The following ZNF226 variants were observed in gnomAD, a reference collection of about 807,000 sequenced individuals.
The protein encoded by ZNF226 is zinc finger protein 226.
Under a neutral mutation model 11.4 loss-of-function variants are expected in ZNF226, and 6 were observed. The ratio of observed to expected loss-of-function variants is 0.53; its 90% CI spans 0.29 to 1.04. The LOEUF is 1.04. ZNF226 is among the 50% of genes least tolerant of loss of function. The pLI is 0.08. For synonymous variants in ZNF226, 350 were observed against 322.8 expected (o/e 1.08, Z -0.90); for missense variants, 1,058 against 956.5 (o/e 1.11, Z -1.40).
chr19:44,174,216 T>C (rs1420246293), intron 5 of ZNF226: 1 of 152,176 alleles, frequency 6.6e-6, no homozygotes, highest in Non-Finnish European at 1.5e-5. Context: ...TTGGGGAACC[T>C]ATAGTGTCAT....
chr19:44,173,347 T>C, intron 5 of ZNF226: 1 of 287,360 alleles, frequency 3.5e-6, no homozygotes, highest in Non-Finnish European at 6.4e-6. Flanking sequence ...TTCAGACCTA[T>C]CAAGGATGCT....
chr19:44,184,207 CAGAA>C, the ZNF226 span, among the ~76,000 whole-genome samples: 51 of 152,232 alleles, frequency 3.4e-4, no homozygotes, highest in African/African-American at 1.2e-3. Flanking sequence ...ACTTTCTAAG[CAGAA>C]AGAAGCAATT....
At chr19:44,170,910 C>CA (rs58130876) in intron 3 of ZNF226, among the ~76,000 whole-genome samples, 1,371 of 85,694 alleles carry the variant, frequency 0.016, 17 homozygotes, top group Middle Eastern at 0.046. Flanking sequence ...GACTCTGTCT[C>CA]AAAAAAAAAA....
downstream of ZNF226, among the ~76,000 whole-genome samples, chr19:44,182,344 CGCGCGCGT>C (rs965112539): frequency 6.9e-6 from 1 of 145,286 alleles, no homozygotes; most frequent in African/African-American, 2.8e-5. Flanking sequence ...GTGATGCGCG[CGCGCGCGT>C]GCATACACAC....
chr19:44,184,235 T>G, the ZNF226 span, among the ~76,000 whole-genome samples: 1 of 152,212 alleles, frequency 6.6e-6, no homozygotes, highest in Non-Finnish European at 1.5e-5. Context: ...ATAGACATTT[T>G]GGTTAGAAGA....
intron 2 of ZNF226, among the ~76,000 whole-genome samples, chr19:44,169,111 C>A (rs1969775625): frequency 7.3e-6 from 1 of 136,632 alleles, no homozygotes; most frequent in African/African-American, 2.8e-5. Flanking sequence ...TGGGTTCAAA[C>A]AATTCTTGTG....
chr19:44,166,225 G>A (rs930372616), intron 2 of ZNF226, among the ~76,000 whole-genome samples: 4 of 152,242 alleles, frequency 2.6e-5, no homozygotes, highest in Non-Finnish European at 5.9e-5. Context: ...TAGTGGCTGG[G>A]CACAGTGGCT....
chr19:44,195,378 T>G, the ZNF226 span, among the ~76,000 whole-genome samples: 3 of 152,362 alleles, frequency 2.0e-5, no homozygotes, highest in South Asian at 6.2e-4. Flanking sequence ...GATGCTGGCC[T>G]GTTTGAGGTC....
At chr19:44,175,373 G>A (rs1173784434) in intron 5 of ZNF226, 125 bp from the exon 6 acceptor site, 1 of 1,429,992 alleles carries the variant, frequency 7.0e-7, no homozygotes, top group Non-Finnish European at 9.1e-7. Context: ...AACTTCAAAT[G>A]TGTCACAAAA....
the ZNF226 span, among the ~76,000 whole-genome samples, chr19:44,184,694 C>G: frequency 6.6e-6 from 1 of 152,192 alleles, no homozygotes; most frequent in East Asian, 1.9e-4. Flanking sequence ...AGGGAAGAGA[C>G]ACAATGACTA....
Position 44,172,971 on chromosome 19 carries a change from T to G in ZNF226, c.235+19T>G. 6.4e-7 allele frequency: 1 copy of G among 1,567,986 alleles called. No homozygotes were observed. Among genetic ancestry groups the G allele is most frequent in the African/African-American group, 1.4e-5 (1 of 74,008 alleles). ...AATTTAGGTAAAAACCAAACAGTTA[T>G]GAGTTCTTATAGTTAACTGTCCATC... is the stretch of plus-strand genomic sequence containing the variant. On this transcript the variant is annotated intron_variant, in intron 5 of 5. Transcript: ENST00000337433.
intron 3 of ZNF226, among the ~76,000 whole-genome samples, chr19:44,170,910 CA>C (rs58130876): frequency 0.073 from 6,280 of 85,718 alleles, 382 homozygotes; most frequent in African/African-American, 0.21. Flanking sequence ...GACTCTGTCT[CA>C]AAAAAAAAAA....
intron 1 of ZNF226, 94 bp from the exon 2 acceptor site, chr19:44,165,663 G>A (rs1969283274): frequency 6.6e-6 from 1 of 152,156 alleles, no homozygotes; most frequent in Non-Finnish European, 1.5e-5. Context: ...GGAAGGAGAG[G>A]GTTGCTTCTA....
Position 44,177,450 on chromosome 19 carries a change from G to C in ZNF226, c.2188G>C (p.Asp730His). ...VHTGEKPYKCDVCGKVFSRSS... is the reference protein window; with the variant it reads ...VHTGEKPYKCHVCGKVFSRSS... ...CACAGGAGAGAAACCATACAAATGT[G>C]ATGTGTGTGGTAAAGTCTTCAGTCG... is the stretch of plus-strand genomic sequence containing the variant. Residue 730 changes from aspartate (D) to histidine (H), a missense_variant, in exon 6 of 6, where the codon GAT becomes CAT. Transcript: ENST00000337433. 1.2e-6 allele frequency: 2 copies of C among 1,614,104 alleles called. No individual in the cohort carries two copies. The highest frequency in any genetic ancestry group is 1.7e-6 in the Non-Finnish European group (2 of 1,179,972).
Position 44,176,363 on chromosome 19 carries a change from G to A in ZNF226, c.1101G>A (p.Glu367=). 6.2e-7 allele frequency: 1 copy of A among 1,614,204 alleles called. No individual in the cohort carries two copies. The highest frequency in any genetic ancestry group is 8.5e-7 in the Non-Finnish European group (1 of 1,180,038). The change falls in exon 6 of 6, where the codon GAG becomes GAA. Residue 367 remains glutamate, a synonymous_variant. Transcript: ENST00000337433. ...CAGAGAAACCTTATAATTGTGAGGAGTGTGGGAGGGCCTTCAGTCAGGCCT... is the reference window on the plus strand; with the variant it reads ...CAGAGAAACCTTATAATTGTGAGGAATGTGGGAGGGCCTTCAGTCAGGCCT... ...HTAEKPYNCE[E]CGRAFSQASH...
At position 44,175,966 on chromosome 19, in the gene ZNF226, A is replaced by G. The variant is rs990754905; in HGVS notation, c.704A>G (p.Lys235Arg). The G allele has an allele frequency of 6.2e-7, 1 of 1,613,902 alleles. No homozygotes were observed. The highest frequency in any genetic ancestry group is 8.5e-7 in the Non-Finnish European group (1 of 1,179,876). The change falls in exon 6 of 6, where the codon AAG (lysine) becomes AGG (arginine). Residue 235 changes from lysine (K) to arginine (R), a missense_variant. Physicochemically the swap from Lys to Arg is conservative, Grantham distance 26. Transcript: ENST00000337433. ...RPNDYEKDNM[K>R]ILTFDHNSMI... is the part of the protein sequence containing the mutation. Reference sequence around the variant, plus strand: ...AATGATTATGAAAAAGACAACATGAAGATTTTGACATTTGATCACAATAGC... The same window carrying G: ...AATGATTATGAAAAAGACAACATGAGGATTTTGACATTTGATCACAATAGC...
rs761730555 is a variant in ZNF226 at position 44,177,670 on chromosome 19, A to G, written c.2408A>G (p.Lys803Arg). The change falls in exon 6 of 6, where the codon AAA (lysine) becomes AGA (arginine). Residue 803 changes from lysine (K) to arginine (R), a missense_variant. Transcript: ENST00000337433. ...RESTQEKKSI[K>R] ...TCCACACAGGAAAAAAAATCTATAA[A>G]ATGATTCTTTGTGAAGACTCGTGTC... The G allele has an allele frequency of 8.9e-6, 14 of 1,575,056 alleles. No homozygotes were observed. The highest frequency in any genetic ancestry group is 1.2e-5 in the Non-Finnish European group (14 of 1,162,516).
the ZNF226 span, among the ~76,000 whole-genome samples, chr19:44,197,953 A>T: frequency 5.9e-5 from 9 of 152,282 alleles, no homozygotes; most frequent in South Asian, 2.1e-4. Flanking sequence ...GTAGCTATTT[A>T]AAAAAATCTT....
chr19:44,170,116 C>T lies in ZNF226; in HGVS notation c.15+21C>T, dbSNP rs754849808. 1.9e-6 allele frequency: 3 copies of T among 1,610,310 alleles called. No homozygotes were observed. In the South Asian group the frequency reaches 3.3e-5, roughly 18 times the overall value. ...TCAAGGTGAGTAGAGCTTGCCTTTC[C>T]CAGCTGTTAAAAATACCATTTTAGT... On this transcript the variant is annotated intron_variant, in intron 3 of 5. Transcript: ENST00000337433.
Sources: allele counts gnomAD v4.1 joint callset (sites outside exome capture counted in the v4.1 genomes callset), GRCh38; gene constraint gnomAD v4.1.1; transcripts MANE v1.5; gene names NCBI Gene and HGNC (gene_info 2026-07-23, HGNC 2026-07-21).